Variants in PLEKHM3 observed in about 807,000 individuals in gnomAD.
PLEKHM3 encodes pleckstrin homology domain-containing family M member 3.
PLEKHM3 carries 45 observed loss-of-function variants against 81.8 expected under a neutral mutation model. The ratio of observed to expected loss-of-function variants is 0.55; its 90% CI spans 0.43 to 0.71. PLEKHM3 has a LOEUF of 0.71. Among genes scored for constraint, PLEKHM3 ranks in the 30% least tolerant of loss-of-function variants. The pLI is 0.00. For missense variants in PLEKHM3, 788 were observed against 924.3 expected, an observed-to-expected ratio of 0.85 and a Z score of 1.91; for synonymous variants, 352 against 356.4, an observed-to-expected ratio of 0.99 and a Z score of 0.14.
chr2:207,866,669 T>C (rs755107345), intron 6 of PLEKHM3, among the ~76,000 whole-genome samples: 5 of 152,186 alleles, frequency 3.3e-5, no homozygotes, highest in African/African-American at 9.7e-5. Context: ...TTTTCCCCTA[T>C]GTAGAACATG....
At chr2:207,908,305 A>G (rs1291167676) in intron 6 of PLEKHM3, among the ~76,000 whole-genome samples, 3 of 152,218 alleles carry the variant, frequency 2.0e-5, no homozygotes, top group Admixed American at 2.0e-4. Context: ...AATGTATAAG[A>G]GCCCCAGTTT....
chr2:207,897,374 C>T (rs1198433615), intron 6 of PLEKHM3, among the ~76,000 whole-genome samples: 1 of 152,200 alleles, frequency 6.6e-6, no homozygotes, highest in Non-Finnish European at 1.5e-5. Context: ...CACCTCACAG[C>T]AACACTAATA....
At chr2:207,831,015 A>C (rs2092284502) in intron 7 of PLEKHM3, among the ~76,000 whole-genome samples, 1 of 152,180 alleles carries the variant, frequency 6.6e-6, no homozygotes, top group Admixed American at 6.5e-5. Context: ...AGCTAAATGG[A>C]GACTACATAG....
intron 6 of PLEKHM3, among the ~76,000 whole-genome samples, chr2:207,863,268 C>CAGATGAAG (rs2092477468): frequency 6.6e-6 from 1 of 152,200 alleles, no homozygotes; most frequent in African/African-American, 2.4e-5. Flanking sequence ...AAGCAGCCCC[C>CAGATGAAG]CAGTGCCTAC....
intron 5 of PLEKHM3, among the ~76,000 whole-genome samples, chr2:207,925,067 A>G (rs1689342227): frequency 6.6e-6 from 1 of 152,194 alleles, no homozygotes; most frequent in Non-Finnish European, 1.5e-5. Flanking sequence ...TGAGTGGGCA[A>G]AAGGGAAATG....
At chr2:207,945,322 AT>A (rs1284467662) in intron 4 of PLEKHM3, among the ~76,000 whole-genome samples, 4 of 152,202 alleles carry the variant, frequency 2.6e-5, no homozygotes, top group African/African-American at 9.6e-5. Flanking sequence ...ATTGACCTGC[AT>A]TTTGATAGCC....
chr2:207,851,183 C>G (rs2092410547), intron 7 of PLEKHM3: 1 of 146,842 alleles, frequency 6.8e-6, no homozygotes. Context: ...AAGGTTAGAG[C>G]CCTTCCTTCT....
chr2:207,846,236 G>A (rs778469804), intron 7 of PLEKHM3, among the ~76,000 whole-genome samples: 1 of 152,026 alleles, frequency 6.6e-6, no homozygotes, highest in East Asian at 1.9e-4. Flanking sequence ...TCCGCCTCCT[G>A]GGTTTAAGCA....
chr2:207,924,482 C>T (rs928891648), intron 5 of PLEKHM3, among the ~76,000 whole-genome samples: 1 of 151,940 alleles, frequency 6.6e-6, no homozygotes, highest in African/African-American at 2.4e-5. Context: ...GTCAGGAGTT[C>T]AAGACCAGCC....
rs367833858 is a variant in PLEKHM3, at chr2:207,891,753, A to C, written c.1950+16761T>G. 8.9e-4 allele frequency among the ~76,000 whole-genome samples: 136 copies of C among 152,302 alleles called. 4 individuals are homozygous for C. In the South Asian group the frequency reaches 0.028, roughly 31 times the overall value. ...ATTCTTACCCTCACCACCTCTTCCT[A>C]TAACTGATTCATTCATTCACCCCAT... is the stretch of plus-strand genomic sequence containing the variant. On this transcript the variant is annotated intron_variant, in intron 6 of 7. Transcript: ENST00000427836.
At chr2:207,868,412 CT>C (rs1377441498) in intron 6 of PLEKHM3, among the ~76,000 whole-genome samples, 2 of 152,118 alleles carry the variant, frequency 1.3e-5, no homozygotes, top group Non-Finnish European at 2.9e-5. Context: ...CCCATCATAA[CT>C]CAGTTGTCTC....
chr2:207,910,572 C>T (rs1688779127), intron 5 of PLEKHM3, among the ~76,000 whole-genome samples: 1 of 152,196 alleles, frequency 6.6e-6, no homozygotes. Flanking sequence ...GACTTTCTGA[C>T]TCCAAAGGCC....
chr2:207,917,928 T>G (rs1239131396), intron 5 of PLEKHM3, among the ~76,000 whole-genome samples: 1 of 152,182 alleles, frequency 6.6e-6, no homozygotes, highest in Non-Finnish European at 1.5e-5. Flanking sequence ...CATGCAATCT[T>G]TTCTCTCTGT....
At chr2:207,962,103 C>T (rs1215714746) in intron 3 of PLEKHM3, among the ~76,000 whole-genome samples, 3 of 152,102 alleles carry the variant, frequency 2.0e-5, no homozygotes, top group African/African-American at 7.2e-5. Context: ...TGAGTTTATG[C>T]TAATGGTGAG....
intron 2 of PLEKHM3, among the ~76,000 whole-genome samples, chr2:207,977,863 G>A (rs1423552204): frequency 6.6e-6 from 1 of 152,170 alleles, no homozygotes; most frequent in African/African-American, 2.4e-5. Context: ...AGGTGGGAGG[G>A]ATTGCTTGAG....
At chr2:207,884,249 C>A (rs1484802644) in intron 6 of PLEKHM3, among the ~76,000 whole-genome samples, 4 of 149,022 alleles carry the variant, frequency 2.7e-5, no homozygotes, top group Non-Finnish European at 5.9e-5. Context: ...TGGTGAAAGA[C>A]TCAATTTTTT....
At chr2:207,890,051 C>T (rs554767120) in intron 6 of PLEKHM3, among the ~76,000 whole-genome samples, 17 of 152,128 alleles carry the variant, frequency 1.1e-4, no homozygotes, top group African/African-American at 2.4e-4. Flanking sequence ...GCAATCTGCC[C>T]GCCTTGGCCT....
intron 3 of PLEKHM3, among the ~76,000 whole-genome samples, chr2:207,975,899 ATTTTTT>A (rs3057251): frequency 1.4e-5 from 2 of 140,092 alleles, no homozygotes; most frequent in East Asian, 2.1e-4. Flanking sequence ...ACCTGGCACA[ATTTTTT>A]TTTTTTTTTT....
intron 1 of PLEKHM3, among the ~76,000 whole-genome samples, chr2:208,024,739 C>T (rs778543306): frequency 4.6e-5 from 7 of 152,202 alleles, no homozygotes; most frequent in Non-Finnish European, 1.0e-4. Context: ...AAATAAACTT[C>T]TAAATAAGTT....
Sources: allele counts gnomAD v4.1 joint callset (sites outside exome capture counted in the v4.1 genomes callset), GRCh38; gene constraint gnomAD v4.1.1; transcripts MANE v1.5; gene names NCBI Gene and HGNC (gene_info 2026-07-23, HGNC 2026-07-21).